Variants in ATP9A observed in about 807,000 individuals in gnomAD.
The protein encoded by ATP9A is ATPase phospholipid transporting 9A, also known as probable phospholipid-transporting ATPase IIA.
Under a neutral mutation model 144.1 loss-of-function variants are expected in ATP9A, and 52 were observed. That is an observed-to-expected ratio of 0.36 (90% CI 0.29 to 0.45). The LOEUF (loss-of-function observed/expected upper bound fraction) is 0.45, where lower values mean the gene tolerates loss of function less well. Ranked by LOEUF, ATP9A falls within the 20% of genes least tolerant of loss-of-function variation. ATP9A has a pLI of 1.00. For missense variants in ATP9A, 947 were observed against 1,392.7 expected (o/e 0.68, Z 5.09); for synonymous variants, 582 against 557.4 (o/e 1.04, Z -0.62).
rs539565153 is a variant in ATP9A at position 51,713,532 on chromosome 20, C to T, written c.328-458G>A. Among the ~76,000 whole-genome samples, 9 of 152,274 alleles carry T rather than the reference C, an allele frequency of 5.9e-5. No homozygotes were observed. In the South Asian group the frequency reaches 1.5e-3, roughly 25 times the overall value. On this transcript the variant is annotated intron_variant, in intron 3 of 27. Coordinates refer to ENST00000338821, the MANE Select transcript of ATP9A (RefSeq NM_006045.3). The stretch of plus-strand genomic sequence containing the variant: ...CCCCATGCAGATGAGGAAACTGAGG[C>T]ACAGAGAGGCTGAGTAATCTTGCCC...
chr20:51,667,711 G>A (rs1302461051), intron 13 of ATP9A, among the ~76,000 whole-genome samples: 4 of 152,002 alleles, frequency 2.6e-5, no homozygotes, highest in Non-Finnish European at 4.4e-5. Context: ...GCAGACAGGC[G>A]AGGAAGGGGG....
rs6091346 is a variant in ATP9A, at chr20:51,674,115, T to A, written c.1037+38A>T. 42 of 1,595,658 alleles carry A rather than the reference T, an allele frequency of 2.6e-5. No homozygotes were observed. In the African/African-American group the frequency reaches 3.9e-4, roughly 15 times the overall value. On this transcript the variant is annotated intron_variant, in intron 11 of 27. Transcript: ENST00000338821. ...CTTTGAATGAGTAAAGAGAAGAAGA[T>A]GTCACGGCAGCCAAACTCAAGCTCG...
At chr20:51,656,842 T>A (rs766785013) in intron 14 of ATP9A, 96 bp downstream of exon 14, 77 of 1,158,870 alleles carry the variant, frequency 6.6e-5, no homozygotes, top group Non-Finnish European at 8.9e-5. Context: ...GGCTCCTGTC[T>A]GCCCTGACAC....
At chr20:51,694,945 C>T (rs997188725) in intron 6 of ATP9A, among the ~76,000 whole-genome samples, 1 of 152,002 alleles carries the variant, frequency 6.6e-6, no homozygotes, top group Non-Finnish European at 1.5e-5. Context: ...GACACAAGAA[C>T]GAATTTAAAG....
rs1363399805 is a variant in ATP9A at position 51,611,230 on chromosome 20, G to A, written c.2572-1065C>T. Among the ~76,000 whole-genome samples the A allele has an allele frequency of 3.3e-5, 5 of 152,302 alleles. No homozygotes were observed. The highest frequency in any genetic ancestry group is 1.9e-4 in the East Asian group (1 of 5,182). On this transcript the variant is annotated intron_variant, in intron 23 of 27. Transcript: ENST00000338821. The surrounding 1 kb of genome is among the most constrained non-coding windows in gnomAD (Gnocchi z 4.2). ...CAGAGAGAAAGCATGTAAGAAACAC[G>A]TGCTTTCTCGGCACAGAGCTCAGAG...
intron 23 of ATP9A, among the ~76,000 whole-genome samples, chr20:51,613,282 C>A (rs190955691): frequency 1.3e-5 from 2 of 152,146 alleles, no homozygotes; most frequent in East Asian, 1.9e-4. Flanking sequence ...TTTAACTCTG[C>A]GTCTTTCACT....
chr20:51,679,425 C>CT (rs2077491034), intron 9 of ATP9A, among the ~76,000 whole-genome samples: 2 of 152,170 alleles, frequency 1.3e-5, no homozygotes, highest in Non-Finnish European at 2.9e-5. Flanking sequence ...CCAGGGAGTG[C>CT]TGAGGAACAA....
At chr20:51,732,444 G>T (rs570493747) in intron 1 of ATP9A, 3 of 152,174 alleles carry the variant, frequency 2.0e-5, no homozygotes, top group Non-Finnish European at 4.4e-5. Flanking sequence ...GGTGGGTGCT[G>T]GGGTACAGAG....
At chr20:51,726,173 C>T (rs2077711660) in intron 2 of ATP9A, among the ~76,000 whole-genome samples, 1 of 151,872 alleles carries the variant, frequency 6.6e-6, no homozygotes. Context: ...ATTAGCCAGG[C>T]GTGGTGGCAG....
At chr20:51,710,259 C>T (rs1023935122) in intron 4 of ATP9A, among the ~76,000 whole-genome samples, 1 of 151,944 alleles carries the variant, frequency 6.6e-6, no homozygotes, top group Admixed American at 6.6e-5. Flanking sequence ...GCGAAGATCG[C>T]GACATTGCAC....
At chr20:51,686,656 TG>T (rs2077524378) in intron 9 of ATP9A, among the ~76,000 whole-genome samples, 1 of 152,182 alleles carries the variant, frequency 6.6e-6, no homozygotes. Context: ...AACAGTAGGC[TG>T]GGTGCGGTGG....
chr20:51,721,379 G>C (rs555343046), intron 3 of ATP9A, among the ~76,000 whole-genome samples: 6 of 152,172 alleles, frequency 3.9e-5, no homozygotes, highest in Non-Finnish European at 8.8e-5. Context: ...CTAGCACCTT[G>C]GAAGGCCAAG....
In ATP9A at chr20:51,639,515, C is replaced by T. The variant is rs73267762; in HGVS notation, c.1507-11G>A. The T allele has an allele frequency of 1.5e-3, 2,388 of 1,601,824 alleles. 34 individuals carry two copies. The African/African-American group carries it at 0.027, about 18-fold the overall frequency. On this transcript the variant is annotated splice_polypyrimidine_tract_variant and intron_variant, in intron 14 of 27. Transcript: ENST00000338821. ...CTGTACCAGGGCCACCTAAACATAA[C>T]ACAGGGTCGAAGGTCAGATGCCCAG...
intron 2 of ATP9A, among the ~76,000 whole-genome samples, chr20:51,726,900 T>TC (rs1308120763): frequency 1.2e-5 from 1 of 82,930 alleles, no homozygotes; most frequent in Non-Finnish European, 2.9e-5. Flanking sequence ...TTTTTTTTTT[T>TC]TTTTTTTTTT....
intron 14 of ATP9A, among the ~76,000 whole-genome samples, chr20:51,653,263 A>G (rs1306377137): frequency 6.6e-6 from 1 of 152,116 alleles, no homozygotes; most frequent in Non-Finnish European, 1.5e-5. Context: ...TCCACAGAAG[A>G]GATAAAGTAC....
intron 8 of ATP9A, among the ~76,000 whole-genome samples, 184 bp from the exon 9 acceptor site, chr20:51,689,323 G>T (rs2077537133): frequency 6.6e-6 from 1 of 152,016 alleles, no homozygotes; most frequent in Non-Finnish European, 1.5e-5. Context: ...CTGCCCTTGG[G>T]GTTTTCATCT....
rs1426350233 is a variant in ATP9A, at chr20:51,704,907, G to T, written c.437-7425C>A. Among the ~76,000 whole-genome samples the T allele has an allele frequency of 3.3e-5, 5 of 152,228 alleles. No individual in the cohort carries two copies. The East Asian group carries it at 9.6e-4, about 29-fold the overall frequency. The stretch of plus-strand genomic sequence containing the variant: ...TGCTGATGCTCTGAATCTCAGACAA[G>T]GGAAATTTGGGAAGGGAATTCTTTG... On this transcript the variant is annotated intron_variant, in intron 4 of 27. Transcript: ENST00000338821.
intron 15 of ATP9A, among the ~76,000 whole-genome samples, chr20:51,630,092 G>A (rs2077264428): frequency 6.6e-6 from 1 of 152,318 alleles, no homozygotes; most frequent in South Asian, 2.1e-4. Context: ...GCATCTGACG[G>A]GTGGAGGCCA....
intron 9 of ATP9A, among the ~76,000 whole-genome samples, chr20:51,683,758 G>C (rs901122702): frequency 6.6e-6 from 1 of 152,118 alleles, no homozygotes; most frequent in South Asian, 2.1e-4. Flanking sequence ...TTGTTCACAC[G>C]GGGCCAGAAA....
Sources: allele counts gnomAD v4.1 joint callset (sites outside exome capture counted in the v4.1 genomes callset), GRCh38; gene constraint gnomAD v4.1.1; non-coding constraint Gnocchi (gnomAD v3.1); transcripts MANE v1.5; gene names NCBI Gene and HGNC (gene_info 2026-07-23, HGNC 2026-07-21).